The following SDK1 variants were observed in gnomAD, a reference collection of about 807,000 sequenced individuals.
SDK1 encodes the protein protein sidekick-1.
Under a neutral mutation model 245.5 loss-of-function variants are expected in SDK1, and 157 were observed. The observed-to-expected ratio is 0.64, with a 90% CI of 0.56 to 0.73. The LOEUF (loss-of-function observed/expected upper bound fraction) is 0.73. Ranked by LOEUF, SDK1 falls within the 30% of genes least tolerant of loss-of-function variation. The pLI, the probability that SDK1 is intolerant of heterozygous loss-of-function variation, is 0.00. For synonymous variants in SDK1, 1,647 were observed against 1,278.5 expected, an observed-to-expected ratio of 1.29 and a Z score of -6.15; for missense variants, 3,583 against 3,002.3, an observed-to-expected ratio of 1.19 and a Z score of -4.52.
intron 25 of SDK1, among the ~76,000 whole-genome samples, chr7:4,121,208 G>A (rs772440322): frequency 2.2e-4 from 33 of 152,032 alleles, no homozygotes; most frequent in Admixed American, 1.2e-3. Context: ...TTAATATTGA[G>A]ATATAGATTT....
intron 17 of SDK1, among the ~76,000 whole-genome samples, chr7:4,039,151 G>A (rs1386091897): frequency 6.9e-6 from 1 of 145,154 alleles, no homozygotes; most frequent in South Asian, 2.2e-4. Flanking sequence ...GGGGCCTGTT[G>A]TGGGGTGGGG....
intron 1 of SDK1, among the ~76,000 whole-genome samples, chr7:3,436,956 G>GCAAAA (rs1780039781): frequency 6.6e-6 from 1 of 152,090 alleles, no homozygotes; most frequent in Admixed American, 6.6e-5. Flanking sequence ...GTAGAACATA[G>GCAAAA]AATGTCTAAC....
At chr7:3,479,830 C>G (rs1562511805) in intron 1 of SDK1, among the ~76,000 whole-genome samples, 1 of 148,446 alleles carries the variant, frequency 6.7e-6, no homozygotes, top group Non-Finnish European at 1.5e-5. Flanking sequence ...CCACTGCACT[C>G]TGGCTTGGGC....
intron 1 of SDK1, among the ~76,000 whole-genome samples, chr7:3,318,439 T>G (rs556886659): frequency 1.3e-5 from 2 of 152,348 alleles, no homozygotes; most frequent in African/African-American, 4.8e-5. Flanking sequence ...GAGGAGATAA[T>G]GTATGTAAAG....
chr7:3,871,233 A>G (rs1780948665), intron 5 of SDK1, among the ~76,000 whole-genome samples: 1 of 151,722 alleles, frequency 6.6e-6, no homozygotes, highest in Admixed American at 6.6e-5. Flanking sequence ...CATTGCTGGT[A>G]TATAATACAA....
At chr7:3,642,201 A>T in intron 4 of SDK1, 96 bp downstream of exon 4, 1 of 1,218,764 alleles carries the variant, frequency 8.2e-7, no homozygotes, top group Non-Finnish European at 1.2e-6. Context: ...GTTACCGATG[A>T]TTTAAAAAGA....
chr7:4,083,983 T>G (rs908853653), intron 22 of SDK1, among the ~76,000 whole-genome samples: 1 of 152,098 alleles, frequency 6.6e-6, no homozygotes, highest in African/African-American at 2.4e-5. Flanking sequence ...AATTTCTCCA[T>G]CAGCTTTTTA....
chr7:4,081,437 T>C, intron 22 of SDK1, among the ~76,000 whole-genome samples: 1 of 151,852 alleles, frequency 6.6e-6, no homozygotes, highest in East Asian at 1.9e-4. Context: ...TTTTTTTTTT[T>C]TGAGACAGAA....
At chr7:3,991,902 C>A (rs1045837416) in intron 14 of SDK1, among the ~76,000 whole-genome samples, 5 of 152,206 alleles carry the variant, frequency 3.3e-5, no homozygotes, top group African/African-American at 1.2e-4. Context: ...CAACAAATGC[C>A]CTTAAGAAGC....
At chr7:3,863,088 C>A (rs978204652) in intron 5 of SDK1, among the ~76,000 whole-genome samples, 1 of 152,150 alleles carries the variant, frequency 6.6e-6, no homozygotes, top group East Asian at 1.9e-4. Flanking sequence ...GGGACCCCTG[C>A]CTTAGAGGAT....
chr7:3,628,960 T>G (rs897040273), intron 2 of SDK1, among the ~76,000 whole-genome samples: 4 of 151,762 alleles, frequency 2.6e-5, no homozygotes, highest in Non-Finnish European at 4.4e-5. Context: ...TTTGGAAAGA[T>G]CAAGGCAGCT....
intron 20 of SDK1, among the ~76,000 whole-genome samples, chr7:4,068,793 C>G (rs1372478969): frequency 2.0e-5 from 3 of 151,870 alleles, no homozygotes; most frequent in Admixed American, 6.6e-5. Context: ...GTGATCTCGG[C>G]TCACTGCAAC....
intron 30 of SDK1, among the ~76,000 whole-genome samples, chr7:4,157,542 G>A (rs994498134): frequency 2.1e-5 from 3 of 145,196 alleles, no homozygotes; most frequent in Non-Finnish European, 4.6e-5. Context: ...GAAGGAAGGT[G>A]GGTGGGCAGA....
chr7:3,642,773 C>T (rs1241171188), intron 4 of SDK1: 2 of 152,188 alleles, frequency 1.3e-5, no homozygotes, highest in Non-Finnish European at 2.9e-5. Flanking sequence ...GTATATATTT[C>T]ATAACTGGAC....
At position 3,876,914 on chromosome 7, in the gene SDK1, G is replaced by T. The variant is rs576557122; in HGVS notation, c.847+55331G>T. Among the ~76,000 whole-genome samples, 98 of 152,294 alleles carry T rather than the reference G, an allele frequency of 6.4e-4. 3 individuals are homozygous for T. The South Asian group carries it at 0.019, about 30-fold the overall frequency. On this transcript the variant is annotated intron_variant, in intron 5 of 44. Transcript: ENST00000404826. Reference sequence around the variant, plus strand: ...ATTGAATTATGTCCATTTTAATAGGGATTTTCTTTTTAAACGAATTCTACT... The same window carrying T: ...ATTGAATTATGTCCATTTTAATAGGTATTTTCTTTTTAAACGAATTCTACT...
intron 1 of SDK1, among the ~76,000 whole-genome samples, chr7:3,378,728 C>G (rs1271209059): frequency 1.3e-5 from 2 of 151,820 alleles, no homozygotes; most frequent in African/African-American, 4.9e-5. Flanking sequence ...GGTTCTCACG[C>G]AGGAGCTCAG....
intron 35 of SDK1, among the ~76,000 whole-genome samples, chr7:4,182,993 C>T (rs1292055664): frequency 6.6e-6 from 1 of 152,202 alleles, no homozygotes; most frequent in Non-Finnish European, 1.5e-5. Flanking sequence ...TATCACTGGT[C>T]AGTCTCCCTG....
intron 35 of SDK1, among the ~76,000 whole-genome samples, chr7:4,202,612 C>T (rs956101935): frequency 3.3e-5 from 5 of 152,216 alleles, no homozygotes; most frequent in Non-Finnish European, 2.9e-5. Flanking sequence ...TTCCGCCTGG[C>T]GGACGGTGAA....
intron 3 of SDK1, among the ~76,000 whole-genome samples, chr7:3,640,430 C>T (rs1221340313): frequency 6.6e-6 from 1 of 151,990 alleles, no homozygotes; most frequent in Non-Finnish European, 1.5e-5. Context: ...AGTGGAGATG[C>T]TATACATGTT....
Sources: gnomAD v4.1 joint callset for allele counts (sites outside exome capture counted in the v4.1 genomes callset) on GRCh38, gnomAD v4.1.1 for gene constraint, MANE v1.5 for transcripts, NCBI Gene and HGNC (gene_info 2026-07-23, HGNC 2026-07-21) for gene names.